The following COP1 variants were observed in gnomAD, a reference collection of about 807,000 sequenced individuals.
COP1 encodes COP1 E3 ubiquitin ligase, also known as E3 ubiquitin-protein ligase COP1.
A neutral mutation model predicts 101.3 loss-of-function variants in COP1; 24 were observed. That is an observed-to-expected ratio of 0.24 (90% CI 0.17 to 0.33). The LOEUF (loss-of-function observed/expected upper bound fraction) is 0.33. Among genes scored for constraint, COP1 ranks in the 10% least tolerant of loss-of-function variants. The pLI is 1.00. For missense variants in COP1, 663 were observed against 906.2 expected, an observed-to-expected ratio of 0.73 and a Z score of 3.45; for synonymous variants, 347 against 341.9, an observed-to-expected ratio of 1.01 and a Z score of -0.17.
chr1:176,004,722 A>C (rs1662657555), intron 15 of COP1, among the ~76,000 whole-genome samples: 1 of 148,676 alleles, frequency 6.7e-6, no homozygotes, highest in African/African-American at 2.4e-5. Context: ...ATGGTGGATA[A>C]GCTTTTTGAT....
Position 176,091,341 on chromosome 1 carries a change from G to A in COP1, c.1027-5451C>T, listed in dbSNP as rs12133680. ...AGCCTGGGCAACAGAGCGAGACTCC[G>A]TCTCAAAAAAAAAAAAACAAAAAAA... On this transcript the variant is annotated intron_variant, in intron 9 of 19. Coordinates refer to ENST00000367669, the MANE Select transcript of COP1 (RefSeq NM_022457.7). 4.8e-3 allele frequency among the ~76,000 whole-genome samples: 506 copies of A among 105,050 alleles called. 2 individuals carry two copies. The highest frequency in any genetic ancestry group is 8.3e-3 in the Non-Finnish European group (397 of 47,754). The allele number at this position is 105,050 out of a possible 152,430, so 68.9% of individuals were successfully genotyped here.
intron 11 of COP1, among the ~76,000 whole-genome samples, chr1:176,062,419 AAAACAATG>A (rs1415060457): frequency 6.6e-6 from 1 of 152,230 alleles, no homozygotes; most frequent in Admixed American, 6.5e-5. Flanking sequence ...AAAGCATAGA[AAAACAATG>A]AGAAAATGCC....
chr1:176,049,810 A>T (rs1398440378), intron 11 of COP1, among the ~76,000 whole-genome samples: 2 of 152,146 alleles, frequency 1.3e-5, no homozygotes, highest in Admixed American at 6.5e-5. Context: ...ATGACCTCTT[A>T]TATTAACAGT....
In COP1 at chr1:175,989,397, A is replaced by G. The variant is rs777842149; in HGVS notation, c.1812T>C (p.Tyr604=). Residue 604 remains tyrosine (Y), a synonymous_variant, in exon 16 of 20, where the codon TAT becomes TAC. Transcript: ENST00000367669. ...VFKGHRKAVS[Y]AKFVSGEEIV... is the part of the protein sequence containing the mutation. Reference sequence around the variant, plus strand: ...TTTCCTCACCACTCACAAACTTTGCATAAGAGACTGCTTTACGGTGTCCTT... The same window carrying G: ...TTTCCTCACCACTCACAAACTTTGCGTAAGAGACTGCTTTACGGTGTCCTT... The G allele has an allele frequency of 5.6e-6, 9 of 1,606,114 alleles. No homozygotes were observed. The South Asian group carries it at 6.6e-5, about 12-fold the overall frequency.
intron 9 of COP1, among the ~76,000 whole-genome samples, chr1:176,091,404 C>T (rs961169597): frequency 3.3e-5 from 5 of 149,508 alleles, no homozygotes; most frequent in Admixed American, 2.0e-4. Flanking sequence ...AATACAATGA[C>T]ACCAACTGGA....
At chr1:175,987,679 T>G (rs938503575) in intron 17 of COP1, among the ~76,000 whole-genome samples, 1 of 152,210 alleles carries the variant, frequency 6.6e-6, no homozygotes, top group Non-Finnish European at 1.5e-5. Context: ...GCTTTGGCAG[T>G]CTCATACATA....
At chr1:176,002,882 T>A (rs925456607) in intron 15 of COP1, among the ~76,000 whole-genome samples, 5 of 151,612 alleles carry the variant, frequency 3.3e-5, no homozygotes, top group Non-Finnish European at 7.4e-5. Flanking sequence ...AGTAATGGGA[T>A]GGCTGGGTCA....
chr1:176,196,909 GA>G (rs1301591723), intron 1 of COP1, among the ~76,000 whole-genome samples: 1 of 138,180 alleles, frequency 7.2e-6, no homozygotes, highest in East Asian at 2.5e-4. Flanking sequence ...AAAGAAAGAA[GA>G]AAGAGAAAGA....
intron 15 of COP1, among the ~76,000 whole-genome samples, chr1:175,992,463 G>A (rs749993627): frequency 1.2e-4 from 18 of 152,344 alleles, no homozygotes; most frequent in African/African-American, 3.8e-4. Context: ...CTCGGGAAGC[G>A]CAAGGGGTCA....
intron 15 of COP1, among the ~76,000 whole-genome samples, chr1:176,013,785 G>A (rs774525559): frequency 5.3e-4 from 80 of 152,162 alleles, no homozygotes; most frequent in Non-Finnish European, 1.0e-3. Flanking sequence ...TGAAAGCAGT[G>A]CTTGCAGAAA....
chr1:175,999,387 C>A (rs895519704), intron 15 of COP1, among the ~76,000 whole-genome samples: 3 of 152,056 alleles, frequency 2.0e-5, no homozygotes, highest in South Asian at 2.1e-4. Context: ...GCTTATTTCA[C>A]TTTACATAAT....
At chr1:176,131,342 T>C (rs1688854498) in intron 8 of COP1, among the ~76,000 whole-genome samples, 1 of 151,750 alleles carries the variant, frequency 6.6e-6, no homozygotes, top group Admixed American at 6.6e-5. Context: ...GATATGACAA[T>C]TACAGCTAAT....
chr1:176,064,795 T>C (rs1675623771), intron 11 of COP1, among the ~76,000 whole-genome samples: 1 of 151,704 alleles, frequency 6.6e-6, no homozygotes, highest in Non-Finnish European at 1.5e-5. Context: ...AGCCAATTTT[T>C]GCATTTTTTG....
intron 18 of COP1, among the ~76,000 whole-genome samples, chr1:175,981,950 C>T (rs1655959046): frequency 6.6e-6 from 1 of 152,094 alleles, no homozygotes; most frequent in Non-Finnish European, 1.5e-5. Flanking sequence ...CGCCTCACAA[C>T]TGCTAGAATT....
intron 18 of COP1, among the ~76,000 whole-genome samples, chr1:175,965,368 A>G (rs1000146410): frequency 5.3e-5 from 8 of 152,206 alleles, no homozygotes; most frequent in Non-Finnish European, 4.4e-5. Context: ...TTCTTTGTTC[A>G]ACGCCTTGTT....
chr1:175,947,370 AT>A (rs34272809), intron 18 of COP1, 131 bp from the exon 19 acceptor site: 69,119 of 484,766 alleles, frequency 0.14, 1,050 homozygotes, highest in African/African-American at 0.24. Context: ...TGAAGATACA[AT>A]TTTTTTTTTT....
At chr1:175,986,555 C>A (rs902920305) in intron 18 of COP1, among the ~76,000 whole-genome samples, 3 of 80,138 alleles carry the variant, frequency 3.7e-5, no homozygotes, top group African/African-American at 9.7e-5. Context: ...TTCTTTTTCT[C>A]CCTCCCTATT....
At chr1:176,112,325 T>C (rs944401573) in intron 9 of COP1, among the ~76,000 whole-genome samples, 11 of 152,054 alleles carry the variant, frequency 7.2e-5, no homozygotes, top group Non-Finnish European at 1.6e-4. Flanking sequence ...ATTTTATTAT[T>C]ATTATACTTT....
intron 9 of COP1, among the ~76,000 whole-genome samples, chr1:176,094,895 T>C (rs1682047578): frequency 6.6e-6 from 1 of 152,152 alleles, no homozygotes; most frequent in Non-Finnish European, 1.5e-5. Context: ...ATATACTTAA[T>C]ATAAAATAGC....
Sources: gnomAD v4.1 joint callset for allele counts (sites outside exome capture counted in the v4.1 genomes callset) on GRCh38, gnomAD v4.1.1 for gene constraint, MANE v1.5 for transcripts, NCBI Gene and HGNC (gene_info 2026-07-23, HGNC 2026-07-21) for gene names.